The following VEPH1 variants were observed in gnomAD, a reference collection of about 807,000 sequenced individuals.
VEPH1 encodes the protein ventricular zone expressed PH domain containing 1.
Under a neutral mutation model 85.2 loss-of-function variants are expected in VEPH1, and 80 were observed. The observed-to-expected ratio is 0.94, with a 90% CI of 0.78 to 1.13. The LOEUF is 1.13. Among genes scored for constraint, VEPH1 ranks in the 50% most tolerant of loss-of-function variants. The probability of loss-of-function intolerance (pLI) is 0.00; values close to 1 mark genes in which losing one functional copy is unlikely to be tolerated. For missense variants in VEPH1, 955 were observed against 980.5 expected (o/e 0.97, Z 0.35); for synonymous variants, 297 against 348.0 (o/e 0.85, Z 1.63).
At chr3:157,463,971 C>A (rs1004977361) in intron 3 of VEPH1, among the ~76,000 whole-genome samples, 7 of 152,172 alleles carry the variant, frequency 4.6e-5, no homozygotes, top group African/African-American at 9.7e-5. Context: ...AGTTTCCATT[C>A]ATCAGATCCA....
intron 6 of VEPH1, among the ~76,000 whole-genome samples, chr3:157,391,618 C>T (rs760573197): frequency 6.6e-6 from 1 of 152,144 alleles, no homozygotes; most frequent in Admixed American, 6.5e-5. Context: ...ACCAATCAGA[C>T]ATTCCTGATA....
chr3:157,460,437 A>G, intron 3 of VEPH1, 82 bp from the exon 4 acceptor site: 2 of 1,479,188 alleles, frequency 1.4e-6, no homozygotes, highest in East Asian at 2.4e-5. Context: ...AAAAATATTT[A>G]TTGGATTAAG....
At chr3:157,411,987 C>A (rs1033635839) in intron 6 of VEPH1, among the ~76,000 whole-genome samples, 1 of 152,122 alleles carries the variant, frequency 6.6e-6, no homozygotes, top group Non-Finnish European at 1.5e-5. Flanking sequence ...GGGTGGATTT[C>A]CCCCTTGCTG....
At chr3:157,352,126 G>C (rs1724932352) in intron 9 of VEPH1, among the ~76,000 whole-genome samples, 1 of 152,190 alleles carries the variant, frequency 6.6e-6, no homozygotes, top group African/African-American at 2.4e-5. Context: ...CCAGCACTTA[G>C]TACACTTTTA....
At chr3:157,282,020 A>T (rs1577230067) in intron 12 of VEPH1, among the ~76,000 whole-genome samples, 1 of 152,126 alleles carries the variant, frequency 6.6e-6, no homozygotes, top group East Asian at 1.9e-4. Flanking sequence ...AGCTCGCATG[A>T]AGGGTGCCCC....
At chr3:157,481,465 C>CAAAA (rs1553796737) in intron 2 of VEPH1, among the ~76,000 whole-genome samples, 7 of 63,322 alleles carry the variant, frequency 1.1e-4, no homozygotes, top group East Asian at 1.3e-3. Context: ...CACACACACA[C>CAAAA]AAAAAAAAAA....
intron 3 of VEPH1, among the ~76,000 whole-genome samples, chr3:157,463,161 A>G: frequency 6.6e-6 from 1 of 152,172 alleles, no homozygotes; most frequent in East Asian, 1.9e-4. Flanking sequence ...AATATCTTGC[A>G]CTTAAGCATC....
chr3:157,477,409 AATTAT>A (rs1228007581), intron 2 of VEPH1, among the ~76,000 whole-genome samples: 1 of 152,068 alleles, frequency 6.6e-6, no homozygotes, highest in Non-Finnish European at 1.5e-5. Context: ...CAAGATTATT[AATTAT>A]ATTATATCTG....
chr3:157,390,526 G>A (rs1201373737), intron 6 of VEPH1, among the ~76,000 whole-genome samples: 1 of 152,114 alleles, frequency 6.6e-6, no homozygotes, highest in Non-Finnish European at 1.5e-5. Context: ...ATTTTGTTTT[G>A]TTTTGTTTTG....
At chr3:157,408,863 G>T (rs919573647) in intron 6 of VEPH1, among the ~76,000 whole-genome samples, 25 of 152,216 alleles carry the variant, frequency 1.6e-4, no homozygotes, top group African/African-American at 5.8e-4. Flanking sequence ...CAGAATGTAG[G>T]GGAATGAAGT....
chr3:157,296,210 T>C (rs6795007), intron 11 of VEPH1, among the ~76,000 whole-genome samples: 15,505 of 152,246 alleles, frequency 0.1, 1,195 homozygotes, highest in African/African-American at 0.22. Flanking sequence ...AGTTTCTTTT[T>C]GTAAAGGGAG....
At chr3:157,392,631 C>A (rs1729971335) in intron 6 of VEPH1, among the ~76,000 whole-genome samples, 2 of 147,338 alleles carry the variant, frequency 1.4e-5, no homozygotes, top group East Asian at 4.0e-4. Flanking sequence ...AAAAAAAAAT[C>A]ACAAAATATC....
chr3:157,264,499 TAC>T (rs1713346097), intron 13 of VEPH1, among the ~76,000 whole-genome samples: 1 of 152,224 alleles, frequency 6.6e-6, no homozygotes, highest in African/African-American at 2.4e-5. Flanking sequence ...CCCTGGTGAG[TAC>T]AGTTTACCAC....
chr3:157,353,827 AT>A (rs983037616), intron 9 of VEPH1, among the ~76,000 whole-genome samples: 7 of 152,072 alleles, frequency 4.6e-5, no homozygotes, highest in African/African-American at 1.7e-4. Context: ...AGGCAAGGAT[AT>A]TTGCCTATTT....
At chr3:157,307,489 T>TA (rs1307048529) in intron 11 of VEPH1, among the ~76,000 whole-genome samples, 1 of 152,018 alleles carries the variant, frequency 6.6e-6, no homozygotes, top group Non-Finnish European at 1.5e-5. Flanking sequence ...TACATGTCCT[T>TA]ACATTATTTA....
chr3:157,389,385 A>G (rs1269332970), intron 6 of VEPH1, among the ~76,000 whole-genome samples: 1 of 152,190 alleles, frequency 6.6e-6, no homozygotes, highest in Non-Finnish European at 1.5e-5. Context: ...TAAAGAGGCC[A>G]TGAAAAGAAT....
intron 9 of VEPH1, among the ~76,000 whole-genome samples, chr3:157,326,411 AT>A (rs1346055833): frequency 7.9e-5 from 12 of 152,130 alleles, no homozygotes; most frequent in African/African-American, 2.9e-4. Flanking sequence ...AATGGAATTA[AT>A]TTTTTTAACT....
At chr3:157,302,817 A>G (rs1479118588) in intron 11 of VEPH1, among the ~76,000 whole-genome samples, 1 of 152,154 alleles carries the variant, frequency 6.6e-6, no homozygotes, top group Non-Finnish European at 1.5e-5. Context: ...TTAACTCTCC[A>G]GTCTCCACTC....
chr3:157,405,929 GC>G (rs898557820), intron 6 of VEPH1, among the ~76,000 whole-genome samples: 27 of 152,238 alleles, frequency 1.8e-4, no homozygotes, highest in African/African-American at 6.0e-4. Context: ...AGAATCAGCA[GC>G]TCCACCCTAT....
Sources: allele counts gnomAD v4.1 joint callset (sites outside exome capture counted in the v4.1 genomes callset), GRCh38; gene constraint gnomAD v4.1.1; transcripts MANE v1.5; gene names NCBI Gene and HGNC (gene_info 2026-07-23, HGNC 2026-07-21).